ZNF736: variants seen among roughly 807,000 people sequenced by gnomAD.
The protein encoded by ZNF736 is KRAB-containing zinc-finger repressor protein.
ZNF736 carries 6 observed loss-of-function variants against 11.7 expected under a neutral mutation model. The observed-to-expected ratio is 0.51, with a 90% CI of 0.28 to 1.01. ZNF736 has a LOEUF of 1.01. ZNF736 is among the 50% of genes least tolerant of loss of function. ZNF736 has a pLI of 0.09. For missense variants in ZNF736, 444 were observed against 496.0 expected (o/e 0.90, Z 1.00); for synonymous variants, 139 against 164.7 (o/e 0.84, Z 1.19).
intron 1 of ZNF736, among the ~76,000 whole-genome samples, chr7:64,315,000 A>G (rs1213038885): frequency 2.0e-5 from 3 of 152,162 alleles, no homozygotes. Context: ...TCTCACGAAT[A>G]GTTTAGCACC....
rs1789467513 is a variant in ZNF736 at position 64,350,219 on chromosome 7, A to G, written c.*1072A>G. On this transcript the variant is annotated 3_prime_UTR_variant, in exon 4 of 4. Coordinates refer to ENST00000423484, the MANE Select transcript of ZNF736 (RefSeq NM_001170905.3). Reference sequence around the variant, plus strand: ...TGCATCATAGATTTGGTTTCTTTACATAATCCCATATTTCTTAGAGGTTTT... The same window carrying G: ...TGCATCATAGATTTGGTTTCTTTACGTAATCCCATATTTCTTAGAGGTTTT... 2 of 152,170 alleles carry G rather than the reference A, an allele frequency of 1.3e-5. No homozygotes were observed. The highest frequency in any genetic ancestry group is 2.9e-5 in the Non-Finnish European group (2 of 68,034). The allele number at this position is 152,170 out of a possible 1,614,324, so 9.4% of individuals were successfully genotyped here. A position where few individuals can be genotyped will look rare whatever the true frequency, so the allele number is the denominator to read the frequency against.
intron 3 of ZNF736, among the ~76,000 whole-genome samples, chr7:64,343,823 CTG>C (rs1342979982): frequency 6.6e-6 from 1 of 152,064 alleles, no homozygotes; most frequent in Non-Finnish European, 1.5e-5. Flanking sequence ...TAATTCAACT[CTG>C]TACACATTAA....
In ZNF736 at chr7:64,353,699, C is replaced by T. The variant is rs557517520; in HGVS notation, c.*4552C>T. ...GAAGAAATTCTAAGTGGAAAGGCCA[C>T]TTATTAGTTTACAGCAGTATCGTAA... On this transcript the variant is annotated 3_prime_UTR_variant, in exon 4 of 4. Transcript: ENST00000423484. 4.5e-5 allele frequency: 1 copy of T among 22,434 alleles called. No individual in the cohort carries two copies. The highest frequency in any genetic ancestry group is 1.1e-3 in the East Asian group (1 of 912). 1.4% of individuals were successfully genotyped at this position (22,434 alleles called of 1,614,324 possible). A position where few individuals can be genotyped will look rare whatever the true frequency, so the allele number is the denominator to read the frequency against.
At chr7:64,331,694 G>A (rs7810508) in intron 1 of ZNF736, among the ~76,000 whole-genome samples, 51,985 of 152,068 alleles carry the variant, frequency 0.34, 9,566 homozygotes, top group African/African-American at 0.49. Flanking sequence ...AGGTGAGCCC[G>A]GGGTCAATCA....
chr7:64,330,045 A>G (rs637303), intron 1 of ZNF736, among the ~76,000 whole-genome samples: 78,718 of 152,028 alleles, frequency 0.52, 21,230 homozygotes, highest in Non-Finnish European at 0.61. Flanking sequence ...CCCAGAGTCC[A>G]CAACAAGTAC....
chr7:64,325,426 A>C (rs529736166), intron 1 of ZNF736, among the ~76,000 whole-genome samples: 1 of 152,330 alleles, frequency 6.6e-6, no homozygotes, highest in East Asian at 1.9e-4. Flanking sequence ...ATTATTTCAG[A>C]TTAACAGTCC....
In ZNF736 at chr7:64,354,042, C is replaced by T. The variant is rs1269103262; in HGVS notation, c.*4895C>T. 6.6e-6 allele frequency: 1 copy of T among 152,110 alleles called. No individual in the cohort carries two copies. Among genetic ancestry groups the T allele is most frequent in the Admixed American group, 6.5e-5 (1 of 15,268 alleles). 9.4% of individuals were successfully genotyped at this position (152,110 alleles called of 1,614,324 possible). On this transcript the variant is annotated 3_prime_UTR_variant, in exon 4 of 4. Transcript: ENST00000423484. ...AGTGGACTAACATCTCTAGTGATCC[C>T]TTTGTCAGTGGTCTTTAACTTAAAA...
chr7:64,316,163 G>T lies in ZNF736; in HGVS notation c.3+2010G>T, dbSNP rs1401271003. On this transcript the variant is annotated intron_variant, in intron 1 of 3. Transcript: ENST00000423484. ...CTCTTGGAGTGTCTAGCAAACATTA[G>T]CCCCTGGGTCATCTCCTTTCAGAGA... Among the ~76,000 whole-genome samples the T allele has an allele frequency of 3.9e-5, 6 of 152,224 alleles. No homozygotes were observed. The East Asian group carries it at 1.2e-3, about 29-fold the overall frequency.
intron 1 of ZNF736, among the ~76,000 whole-genome samples, chr7:64,317,993 A>G (rs1233520209): frequency 6.6e-6 from 1 of 151,898 alleles, no homozygotes; most frequent in Non-Finnish European, 1.5e-5. Flanking sequence ...CTCCTTAACA[A>G]TAGTTTTAGT....
chr7:64,348,885 A>C lies in ZNF736; in HGVS notation c.1022A>C (p.Tyr341Ser), dbSNP rs1306654188. ...AGAATTCATACTGGAGAGAAACCCT[A>C]CATCTGTGAAGAATGTGGCAAAGCC... ...HKRIHTGEKP[Y>S]ICEECGKAFT... Residue 341 changes from tyrosine (Y) to serine (S), a missense_variant, in exon 4 of 4, where the codon TAC becomes TCC. Coordinates refer to ENST00000423484, the MANE Select transcript of ZNF736 (RefSeq NM_001170905.3). 1.9e-6 allele frequency: 3 copies of C among 1,608,464 alleles called. No individual in the cohort carries two copies. Among genetic ancestry groups the C allele is most frequent in the Non-Finnish European group, 1.7e-6 (2 of 1,177,250 alleles).
intron 1 of ZNF736, among the ~76,000 whole-genome samples, chr7:64,323,009 T>C (rs917367465): frequency 6.6e-6 from 1 of 152,210 alleles, no homozygotes; most frequent in Non-Finnish European, 1.5e-5. Flanking sequence ...TTAACCACAC[T>C]GTTTATGGAT....
intron 1 of ZNF736, among the ~76,000 whole-genome samples, chr7:64,317,104 A>G (rs574858494): frequency 1.3e-3 from 196 of 152,294 alleles, no homozygotes; most frequent in African/African-American, 4.6e-3. Flanking sequence ...AAAAATTTCT[A>G]CTTTGTAGGA....
chr7:64,331,601 A>G (rs1171954654), intron 1 of ZNF736, among the ~76,000 whole-genome samples: 4 of 152,130 alleles, frequency 2.6e-5, no homozygotes, highest in Non-Finnish European at 5.9e-5. Context: ...CTGGGGGATG[A>G]TTGCTGGAGG....
At chr7:64,345,101 G>A (rs1789390054) in intron 3 of ZNF736, among the ~76,000 whole-genome samples, 1 of 151,566 alleles carries the variant, frequency 6.6e-6, no homozygotes, top group Admixed American at 6.6e-5. Flanking sequence ...TCGGCTCACT[G>A]CAAGCTCTGC....
intron 1 of ZNF736, among the ~76,000 whole-genome samples, chr7:64,324,315 A>G (rs1365072008): frequency 6.6e-6 from 1 of 152,152 alleles, no homozygotes; most frequent in Non-Finnish European, 1.5e-5. Flanking sequence ...CGTGCCTGTG[A>G]ATCACTCAGC....
intron 1 of ZNF736, among the ~76,000 whole-genome samples, chr7:64,330,947 C>G (rs1331447476): frequency 6.6e-6 from 1 of 152,216 alleles, no homozygotes; most frequent in Admixed American, 6.5e-5. Context: ...TTTATTAACT[C>G]TTCTCTCCCC....
chr7:64,334,277 A>G (rs1222318664), intron 1 of ZNF736, among the ~76,000 whole-genome samples: 1 of 152,238 alleles, frequency 6.6e-6, no homozygotes, highest in Admixed American at 6.5e-5. Flanking sequence ...AATGGCAACA[A>G]AAGCCAAAAT....
chr7:64,320,961 A>G (rs766920234), intron 1 of ZNF736, among the ~76,000 whole-genome samples: 2 of 152,244 alleles, frequency 1.3e-5, no homozygotes, highest in Non-Finnish European at 2.9e-5. Flanking sequence ...GGTATTATAC[A>G]TAAGTTCAGC....
At chr7:64,322,301 A>G (rs1789014176) in intron 1 of ZNF736, among the ~76,000 whole-genome samples, 1 of 152,200 alleles carries the variant, frequency 6.6e-6, no homozygotes, top group Admixed American at 6.5e-5. Context: ...ATGATAGAAC[A>G]TCAATTTTTA....
Sources: gnomAD v4.1 joint callset for allele counts (sites outside exome capture counted in the v4.1 genomes callset) on GRCh38, gnomAD v4.1.1 for gene constraint, MANE v1.5 for transcripts, NCBI Gene and HGNC (gene_info 2026-07-23, HGNC 2026-07-21) for gene names.